HSD17B11: variants seen among roughly 807,000 people sequenced by gnomAD.
HSD17B11 encodes hydroxysteroid 17-beta dehydrogenase 11, also known as estradiol 17-beta-dehydrogenase 11.
A neutral mutation model predicts 27.8 loss-of-function variants in HSD17B11; 22 were observed. The ratio of observed to expected loss-of-function variants is 0.79; its 90% CI spans 0.56 to 1.13. The LOEUF (loss-of-function observed/expected upper bound fraction) is 1.13, where lower values mean the gene tolerates loss of function less well. Among genes scored for constraint, HSD17B11 ranks in the 50% most tolerant of loss-of-function variants. The probability of loss-of-function intolerance (pLI) is 0.00; values close to 1 mark genes in which losing one functional copy is unlikely to be tolerated. For missense variants in HSD17B11, 314 were observed against 351.1 expected, an observed-to-expected ratio of 0.89 and a Z score of 0.84; for synonymous variants, 117 against 132.8, an observed-to-expected ratio of 0.88 and a Z score of 0.82.
chr4:87,342,493 G>T (rs1011892253), intron 5 of HSD17B11, among the ~76,000 whole-genome samples: 8 of 151,922 alleles, frequency 5.3e-5, no homozygotes, highest in South Asian at 2.1e-4. Flanking sequence ...GATCACTTGA[G>T]CCCAGGAGTT....
At chr4:87,389,579 T>C (rs549181682) in intron 1 of HSD17B11, among the ~76,000 whole-genome samples, 38 of 152,340 alleles carry the variant, frequency 2.5e-4, no homozygotes, top group African/African-American at 8.7e-4. Context: ...TCATGGAACC[T>C]TATTTTCTGT....
At chr4:87,368,711 AGGTTACAGTAAAGGAGAT>A (rs1293554854) in intron 4 of HSD17B11, among the ~76,000 whole-genome samples, 2 of 152,226 alleles carry the variant, frequency 1.3e-5, no homozygotes, top group African/African-American at 2.4e-5. Flanking sequence ...ATGATAAAAC[AGGTTACAGTAAAGGAGAT>A]GGCCAAAACC....
intron 4 of HSD17B11, among the ~76,000 whole-genome samples, chr4:87,362,997 G>A (rs562113262): frequency 2.0e-5 from 3 of 152,230 alleles, no homozygotes; most frequent in African/African-American, 7.2e-5. Context: ...CAAGTCAGAG[G>A]TTGGATTAAA....
chr4:87,378,908 A>ATATATATTTATATATATATATATTT (rs1720031027), intron 2 of HSD17B11, among the ~76,000 whole-genome samples: 1 of 9,922 alleles, frequency 1.0e-4, no homozygotes, highest in South Asian at 2.1e-3. Flanking sequence ...ATATATAAAT[A>ATATATATTTATATATATATATATTT]TATATATATA....
intron 4 of HSD17B11, among the ~76,000 whole-genome samples, chr4:87,367,032 A>G (rs888573966): frequency 6.6e-6 from 1 of 152,244 alleles, no homozygotes; most frequent in Non-Finnish European, 1.5e-5. Context: ...ATATACTCCT[A>G]TGAACAAAAT....
At chr4:87,367,237 C>T (rs1321667565) in intron 4 of HSD17B11, among the ~76,000 whole-genome samples, 1 of 152,164 alleles carries the variant, frequency 6.6e-6, no homozygotes, top group African/African-American at 2.4e-5. Flanking sequence ...TTTAAAGAAT[C>T]AAACTTGACT....
chr4:87,363,351 G>A (rs1038130397), intron 4 of HSD17B11, among the ~76,000 whole-genome samples: 9 of 152,128 alleles, frequency 5.9e-5, no homozygotes, highest in Admixed American at 4.6e-4. Context: ...TAATTAATGC[G>A]AAAAAGAATT....
chr4:87,367,600 T>C (rs1184586027), intron 4 of HSD17B11, among the ~76,000 whole-genome samples: 1 of 152,188 alleles, frequency 6.6e-6, no homozygotes, highest in African/African-American at 2.4e-5. Context: ...CCATAATGTG[T>C]CTTTAATAAA....
chr4:87,386,968 G>GAACAGCACCAA (rs1720336954), intron 1 of HSD17B11: 1 of 152,236 alleles, frequency 6.6e-6, no homozygotes, highest in Non-Finnish European at 1.5e-5. Flanking sequence ...CCAGAGCTCT[G>GAACAGCACCAA]ACCTGTTCCG....
At chr4:87,373,226 G>T in intron 3 of HSD17B11, 1 of 163,542 alleles carries the variant, frequency 6.1e-6, no homozygotes, top group Non-Finnish European at 1.3e-5. Flanking sequence ...TGTAATCCCA[G>T]CTACTGGGGA....
chr4:87,386,172 G>A (rs1720312289), intron 1 of HSD17B11, among the ~76,000 whole-genome samples: 1 of 151,276 alleles, frequency 6.6e-6, no homozygotes, highest in East Asian at 1.9e-4. Context: ...CATTTAGGTT[G>A]GTCTGCTTTC....
chr4:87,364,018 G>A (rs1735572030), intron 4 of HSD17B11, among the ~76,000 whole-genome samples: 1 of 152,216 alleles, frequency 6.6e-6, no homozygotes, highest in African/African-American at 2.4e-5. Context: ...ATGGTGAAAA[G>A]TCAGCTTAAT....
chr4:87,342,616 A>G (rs181970685), intron 5 of HSD17B11, among the ~76,000 whole-genome samples: 1 of 152,228 alleles, frequency 6.6e-6, no homozygotes, highest in East Asian at 1.9e-4. Flanking sequence ...CAGAAAAAAA[A>G]TATATTTTGA....
rs1321495947 is a variant in HSD17B11 at position 87,340,669 on chromosome 4, G to A, written c.696-63C>T. The A allele has an allele frequency of 7.4e-6, 8 of 1,086,284 alleles. No homozygotes were observed. In the East Asian group the frequency reaches 1.9e-4, roughly 26 times the overall value. The allele number at this position is 1,086,284 out of a possible 1,614,324, so 67.3% of individuals were successfully genotyped here. On this transcript the variant is annotated intron_variant, in intron 5 of 6. Coordinates refer to ENST00000358290, the MANE Select transcript of HSD17B11 (RefSeq NM_016245.5). Reference sequence around the variant, plus strand: ...ACCGAGGCTTCAGCTTTAGTTTGGTGCTAACCAACAGCTTTAGTATGGTAC... The same window carrying A: ...ACCGAGGCTTCAGCTTTAGTTTGGTACTAACCAACAGCTTTAGTATGGTAC...
chr4:87,368,583 G>A (rs1005935977), intron 4 of HSD17B11, among the ~76,000 whole-genome samples: 4 of 152,166 alleles, frequency 2.6e-5, no homozygotes, highest in Non-Finnish European at 4.4e-5. Context: ...TCTTGAATAG[G>A]AGCTGGGTAA....
chr4:87,376,982 T>C (rs776049995), intron 2 of HSD17B11, among the ~76,000 whole-genome samples: 3 of 151,368 alleles, frequency 2.0e-5, no homozygotes, highest in Non-Finnish European at 4.4e-5. Flanking sequence ...ACACAAAAAT[T>C]AGGTGAGTGT....
intron 1 of HSD17B11, among the ~76,000 whole-genome samples, chr4:87,384,141 C>G (rs372951683): frequency 6.6e-6 from 1 of 152,048 alleles, no homozygotes; most frequent in African/African-American, 2.4e-5. Flanking sequence ...ATGGAGGGAC[C>G]GGCTGGAGCC....
At chr4:87,345,764 C>T (rs1372043198) in intron 5 of HSD17B11, among the ~76,000 whole-genome samples, 1 of 152,034 alleles carries the variant, frequency 6.6e-6, no homozygotes, top group African/African-American at 2.4e-5. Context: ...CAAGGAAAAA[C>T]AGAAAATCTG....
chr4:87,385,324 C>T (rs1720279595), intron 1 of HSD17B11, among the ~76,000 whole-genome samples: 1 of 152,002 alleles, frequency 6.6e-6, no homozygotes, highest in South Asian at 2.1e-4. Flanking sequence ...AAGCCAGACA[C>T]AAAAAACAAA....
Sources: allele counts gnomAD v4.1 joint callset (sites outside exome capture counted in the v4.1 genomes callset), GRCh38; gene constraint gnomAD v4.1.1; transcripts MANE v1.5; gene names NCBI Gene and HGNC (gene_info 2026-07-23, HGNC 2026-07-21).